MACROD2: variants seen among roughly 807,000 people sequenced by gnomAD.
MACROD2 encodes the protein ADP-ribose glycohydrolase MACROD2.
In MACROD2, 36 loss-of-function variants were observed where a neutral mutation model predicts 70.4. The observed-to-expected ratio is 0.51, with a 90% CI of 0.39 to 0.68. The LOEUF (loss-of-function observed/expected upper bound fraction) is 0.68. Among genes scored for constraint, MACROD2 ranks in the 30% least tolerant of loss-of-function variants. The probability of loss-of-function intolerance (pLI) is 0.00; values close to 1 mark genes in which losing one functional copy is unlikely to be tolerated. For synonymous variants in MACROD2, 172 were observed against 178.8 expected (o/e 0.96, Z 0.30); for missense variants, 496 against 538.4 (o/e 0.92, Z 0.78).
intron 3 of MACROD2, among the ~76,000 whole-genome samples, chr20:14,343,697 A>C (rs1430262685): frequency 1.3e-5 from 2 of 152,246 alleles, no homozygotes; most frequent in Non-Finnish European, 2.9e-5. Context: ...TCTGAGACTT[A>C]ATTACAAATC....
chr20:15,919,689 C>T (rs1260481229), intron 10 of MACROD2, among the ~76,000 whole-genome samples: 4 of 151,984 alleles, frequency 2.6e-5, no homozygotes, highest in Non-Finnish European at 4.4e-5. Flanking sequence ...GAGCTGAGAT[C>T]GCGCCACTGG....
intron 8 of MACROD2, among the ~76,000 whole-genome samples, chr20:15,576,020 A>C (rs1044844306): frequency 6.6e-6 from 1 of 152,198 alleles, no homozygotes. Flanking sequence ...CAACTTATTG[A>C]TTCAAACAAA....
At chr20:14,162,384 A>C (rs576320492) in intron 3 of MACROD2, among the ~76,000 whole-genome samples, 7 of 152,338 alleles carry the variant, frequency 4.6e-5, no homozygotes, top group African/African-American at 1.7e-4. Flanking sequence ...TGTTAGGTCC[A>C]TGTGGTCTAA....
intron 3 of MACROD2, among the ~76,000 whole-genome samples, chr20:14,101,803 C>G (rs1255937619): frequency 6.6e-6 from 1 of 151,270 alleles, no homozygotes; most frequent in African/African-American, 2.4e-5. Flanking sequence ...CGTGAGACAA[C>G]AGCTGCTTCG....
At chr20:15,552,061 G>A (rs1345218712) in intron 8 of MACROD2, 3 of 152,036 alleles carry the variant, frequency 2.0e-5, no homozygotes, top group Admixed American at 2.0e-4. Context: ...TATGCTTTAT[G>A]AATTAATTAG....
At chr20:14,479,754 C>A (rs960433014) in intron 3 of MACROD2, among the ~76,000 whole-genome samples, 1 of 151,910 alleles carries the variant, frequency 6.6e-6, no homozygotes, top group East Asian at 1.9e-4. Flanking sequence ...AATAGAATAT[C>A]GTAATCTCTC....
chr20:15,661,065 C>T lies in MACROD2; in HGVS notation c.645+161218C>T, dbSNP rs1340336938. 4.6e-5 allele frequency among the ~76,000 whole-genome samples: 7 copies of T among 152,018 alleles called. No individual in the cohort carries two copies. In the South Asian group the frequency reaches 1.2e-3, roughly 27 times the overall value. ...ACTGGTCTCTTACTATTTGTGAGACCTCACTGTTTTCAAGGGTTTAAACCA... is the reference window on the plus strand; with the variant it reads ...ACTGGTCTCTTACTATTTGTGAGACTTCACTGTTTTCAAGGGTTTAAACCA... On this transcript the variant is annotated intron_variant, in intron 8 of 17. Coordinates refer to ENST00000684519, the MANE Select transcript of MACROD2 (RefSeq NM_001351661.2).
intron 3 of MACROD2, among the ~76,000 whole-genome samples, chr20:14,253,362 A>G (rs542492295): frequency 6.6e-6 from 1 of 152,038 alleles, no homozygotes; most frequent in African/African-American, 2.4e-5. Context: ...TAATGCTTAA[A>G]GTATGTTCTC....
Position 15,813,925 on chromosome 20 carries a change from G to T in MACROD2, c.646-48820G>T, listed in dbSNP as rs1600934228. ...TTACCTACCATTGCTTTTATTAAAA[G>T]TTTTTGTTTTTCCATGTTCATGTTG... On this transcript the variant is annotated intron_variant, in intron 8 of 17. Coordinates refer to ENST00000684519, the MANE Select transcript of MACROD2 (RefSeq NM_001351661.2). Among the ~76,000 whole-genome samples the T allele has an allele frequency of 2.0e-5, 3 of 152,270 alleles. No homozygotes were observed. In the East Asian group the frequency reaches 5.8e-4, roughly 29 times the overall value.
chr20:15,299,445 G>A (rs1001811030), intron 6 of MACROD2, among the ~76,000 whole-genome samples: 1 of 152,182 alleles, frequency 6.6e-6, no homozygotes, highest in African/African-American at 2.4e-5. Flanking sequence ...TCAACAAAGA[G>A]AGATTACGGT....
chr20:14,997,159 G>A (rs1448561810), intron 5 of MACROD2, among the ~76,000 whole-genome samples: 1 of 152,158 alleles, frequency 6.6e-6, no homozygotes, highest in Non-Finnish European at 1.5e-5. Flanking sequence ...GAAAGGAGAA[G>A]GAAAAGGAGT....
At chr20:13,996,783 A>C (rs1259525592) in intron 1 of MACROD2, among the ~76,000 whole-genome samples, 1 of 152,188 alleles carries the variant, frequency 6.6e-6, no homozygotes, top group East Asian at 1.9e-4. Context: ...ATGTAGCAAA[A>C]ACTTCTTGCA....
At chr20:15,485,470 C>G (rs1433486555) in intron 7 of MACROD2, among the ~76,000 whole-genome samples, 2 of 152,100 alleles carry the variant, frequency 1.3e-5, no homozygotes, top group African/African-American at 4.8e-5. Flanking sequence ...TATCTGCTTA[C>G]TACAGCTCAA....
At chr20:15,861,140 T>C (rs2147162107) in intron 8 of MACROD2, among the ~76,000 whole-genome samples, 1 of 152,124 alleles carries the variant, frequency 6.6e-6, no homozygotes, top group South Asian at 2.1e-4. Context: ...TCCCAATTAA[T>C]TATTTAAACA....
intron 3 of MACROD2, among the ~76,000 whole-genome samples, chr20:14,235,540 A>C (rs193147149): frequency 6.6e-6 from 1 of 152,248 alleles, no homozygotes; most frequent in East Asian, 1.9e-4. Flanking sequence ...TTTTGCCCTT[A>C]AAATGCCTTG....
At chr20:15,338,488 C>A (rs1455541048) in intron 6 of MACROD2, among the ~76,000 whole-genome samples, 2 of 151,286 alleles carry the variant, frequency 1.3e-5, no homozygotes, top group Non-Finnish European at 2.9e-5. Flanking sequence ...GGGTATCAAT[C>A]AGACACAGAG....
At chr20:15,034,065 C>T (rs537043288) in intron 5 of MACROD2, among the ~76,000 whole-genome samples, 11 of 152,122 alleles carry the variant, frequency 7.2e-5, no homozygotes, top group East Asian at 1.9e-4. Context: ...AAGATAAACT[C>T]GAGAGGAACG....
chr20:15,056,759 A>C (rs1052679485), intron 5 of MACROD2, among the ~76,000 whole-genome samples: 2 of 152,224 alleles, frequency 1.3e-5, no homozygotes, highest in African/African-American at 4.8e-5. Context: ...GTGAAGAGTC[A>C]AATATCATGT....
intron 5 of MACROD2, among the ~76,000 whole-genome samples, chr20:15,029,788 G>A (rs1272031086): frequency 1.3e-5 from 2 of 152,110 alleles, no homozygotes; most frequent in African/African-American, 2.4e-5. Flanking sequence ...CTTACACAGT[G>A]CCTGAAACAT....
Sources: allele counts gnomAD v4.1 joint callset (sites outside exome capture counted in the v4.1 genomes callset), GRCh38; gene constraint gnomAD v4.1.1; transcripts MANE v1.5; gene names NCBI Gene and HGNC (gene_info 2026-07-23, HGNC 2026-07-21).